FGF14: variants seen among roughly 807,000 people sequenced by gnomAD.
The protein encoded by FGF14 is fibroblast growth factor 14.
FGF14 carries 5 observed loss-of-function variants against 25.5 expected under a neutral mutation model. The observed-to-expected ratio is 0.20, with a 90% CI of 0.10 to 0.41. FGF14 has a LOEUF of 0.41. Ranked by LOEUF, FGF14 falls within the 10% of genes least tolerant of loss-of-function variation. The pLI, the probability that FGF14 is intolerant of heterozygous loss-of-function variation, is 1.00. For synonymous variants in FGF14, 138 were observed against 118.3 expected (o/e 1.17, Z -1.08); for missense variants, 222 against 320.1 (o/e 0.69, Z 2.34).
intron 1 of FGF14, among the ~76,000 whole-genome samples, chr13:102,167,525 T>C (rs1164271792): frequency 6.6e-6 from 1 of 151,628 alleles, no homozygotes; most frequent in Non-Finnish European, 1.5e-5. Flanking sequence ...ATACTTTTAA[T>C]AGTTTACTTA....
At chr13:101,837,517 G>A (rs2042984676) in intron 3 of FGF14, among the ~76,000 whole-genome samples, 2 of 152,004 alleles carry the variant, frequency 1.3e-5, no homozygotes, top group African/African-American at 2.4e-5. Context: ...CATCACAAAT[G>A]CCCTTAGGGC....
chr13:102,325,614 C>A (rs2056400183), intron 1 of FGF14, among the ~76,000 whole-genome samples: 1 of 152,160 alleles, frequency 6.6e-6, no homozygotes, highest in African/African-American at 2.4e-5. Flanking sequence ...CCTGCACTGT[C>A]CTTACAATTT....
chr13:102,398,892 T>TGTATA (rs2058640160), intron 1 of FGF14, among the ~76,000 whole-genome samples: 1 of 143,196 alleles, frequency 7.0e-6, no homozygotes, highest in African/African-American at 2.5e-5. Context: ...ATATGTATAA[T>TGTATA]ATATAATATA....
chr13:101,961,318 T>C (rs531636581), intron 1 of FGF14, among the ~76,000 whole-genome samples: 2 of 152,338 alleles, frequency 1.3e-5, no homozygotes, highest in South Asian at 4.1e-4. Flanking sequence ...TTTATAGTTT[T>C]GGGTTTTGCA....
intron 1 of FGF14, among the ~76,000 whole-genome samples, chr13:102,387,276 AC>A (rs1303079058): frequency 1.3e-5 from 2 of 152,172 alleles, no homozygotes; most frequent in Non-Finnish European, 2.9e-5. Context: ...CCAGATACTG[AC>A]CCCTTGAAAC....
At chr13:102,195,488 C>T (rs1381764556) in intron 1 of FGF14, among the ~76,000 whole-genome samples, 1 of 151,308 alleles carries the variant, frequency 6.6e-6, no homozygotes, top group Admixed American at 6.6e-5. Flanking sequence ...TGTAAAAATA[C>T]AATTAAAGAA....
At chr13:102,049,242 T>C (rs1379522932) in intron 1 of FGF14, among the ~76,000 whole-genome samples, 2 of 152,198 alleles carry the variant, frequency 1.3e-5, no homozygotes, top group Non-Finnish European at 2.9e-5. Flanking sequence ...TTTGCACAAT[T>C]AAATGTCCTT....
At chr13:101,888,724 G>A (rs1054521949) in intron 1 of FGF14, among the ~76,000 whole-genome samples, 2 of 152,132 alleles carry the variant, frequency 1.3e-5, no homozygotes, top group Non-Finnish European at 2.9e-5. Context: ...CAACTCAAAG[G>A]CAGACAACTG....
Position 101,713,217 on chromosome 13 carries a change from G to A in FGF14, c.*9614C>T, listed in dbSNP as rs2034557954. On this transcript the variant is annotated 3_prime_UTR_variant, in exon 5 of 5. Transcript: ENST00000376143. ...GAAATATCACATAGTTGAGACACAT[G>A]AACCTGAATCCTTTCATGATATCTG... 1 of 152,150 alleles carries A rather than the reference G, an allele frequency of 6.6e-6. No individual in the cohort carries two copies. Among genetic ancestry groups the A allele is most frequent in the South Asian group, 2.1e-4 (1 of 4,828 alleles). The allele number at this position is 152,150 out of a possible 1,614,324, so 9.4% of individuals were successfully genotyped here.
intron 1 of FGF14, among the ~76,000 whole-genome samples, chr13:101,990,063 G>T (rs2038811980): frequency 6.6e-6 from 1 of 151,974 alleles, no homozygotes; most frequent in South Asian, 2.1e-4. Context: ...ATGAGCTGTG[G>T]TGCTCATAAA....
At chr13:102,047,161 T>C (rs943912111) in intron 1 of FGF14, among the ~76,000 whole-genome samples, 1 of 152,116 alleles carries the variant, frequency 6.6e-6, no homozygotes, top group African/African-American at 2.4e-5. Flanking sequence ...AATATTTAAA[T>C]GAGAAAATTT....
intron 1 of FGF14, among the ~76,000 whole-genome samples, chr13:102,363,906 C>T (rs989505386): frequency 2.0e-5 from 3 of 152,200 alleles, no homozygotes; most frequent in Non-Finnish European, 2.9e-5. Context: ...GGTCAAGCAT[C>T]TTTCAATGGA....
At chr13:102,167,693 G>A (rs1181890121) in intron 1 of FGF14, among the ~76,000 whole-genome samples, 1 of 151,494 alleles carries the variant, frequency 6.6e-6, no homozygotes, top group East Asian at 1.9e-4. Flanking sequence ...GTTGAGTCAA[G>A]AACAGTATAC....
intron 3 of FGF14, among the ~76,000 whole-genome samples, chr13:101,746,837 G>A (rs112452734): frequency 4.0e-5 from 6 of 151,854 alleles, no homozygotes; most frequent in African/African-American, 4.8e-5. Context: ...TTATCATAAC[G>A]CATTCTCTAG....
chr13:102,025,396 C>T (rs2040872549), intron 1 of FGF14, among the ~76,000 whole-genome samples: 1 of 151,882 alleles, frequency 6.6e-6, no homozygotes, highest in Admixed American at 6.6e-5. Context: ...TGTTCTGTAG[C>T]TCTCAGTGAA....
chr13:102,333,814 G>A (rs1312339159), intron 1 of FGF14, among the ~76,000 whole-genome samples: 2 of 152,208 alleles, frequency 1.3e-5, no homozygotes, highest in African/African-American at 4.8e-5. Context: ...TCACCAGCGT[G>A]TAAAGGGCTC....
chr13:101,844,142 C>G (rs1301745743), intron 3 of FGF14, among the ~76,000 whole-genome samples: 1 of 151,926 alleles, frequency 6.6e-6, no homozygotes, highest in African/African-American at 2.4e-5. Flanking sequence ...TATCAGGACA[C>G]AAACTGAAGC....
chr13:101,966,481 GT>G, intron 1 of FGF14, among the ~76,000 whole-genome samples: 1 of 146,190 alleles, frequency 6.8e-6, no homozygotes, highest in East Asian at 2.0e-4. Context: ...GGTTTTTTTT[GT>G]TTTTGTTTTT....
intron 1 of FGF14, among the ~76,000 whole-genome samples, chr13:102,252,636 T>C (rs1353536280): frequency 6.6e-6 from 1 of 152,140 alleles, no homozygotes; most frequent in Non-Finnish European, 1.5e-5. Flanking sequence ...TTGTTTCTTA[T>C]ATGTATTTTT....
Sources: gnomAD v4.1 joint callset for allele counts (sites outside exome capture counted in the v4.1 genomes callset) on GRCh38, gnomAD v4.1.1 for gene constraint, MANE v1.5 for transcripts, NCBI Gene and HGNC (gene_info 2026-07-23, HGNC 2026-07-21) for gene names.